FAM90A20: variants seen among roughly 807,000 people sequenced by gnomAD.
The protein encoded by FAM90A20 is protein FAM90A20.
the FAM90A20 span, chr8:7,295,967 G>T: frequency 1.9e-6 from 1 of 525,064 alleles, no homozygotes; most frequent in Non-Finnish European, 3.3e-6. Flanking sequence ...CCGGAGCTCC[G>T]TGTCCTCCGG....
chr8:7,295,448 C>G, the FAM90A20 span, among the ~76,000 whole-genome samples: 1 of 103,540 alleles, frequency 9.7e-6, no homozygotes, highest in Non-Finnish European at 1.8e-5. Context: ...GTTCCTCCGT[C>G]ACACGGGCTT....
At chr8:7,296,469 G>A in the FAM90A20 span, 19 of 685,668 alleles carry the variant, frequency 2.8e-5, 2 homozygotes, top group Non-Finnish European at 3.7e-5. Flanking sequence ...TCAGCTTCCC[G>A]TCTGCGGGAG....
the FAM90A20 span, chr8:7,297,570 A>T: frequency 1.3e-6 from 2 of 1,512,412 alleles, no homozygotes; most frequent in Admixed American, 1.7e-5. Flanking sequence ...GGTCCCTTCC[A>T]GATCCCCGAA....
chr8:7,297,233 A>T, the FAM90A20 span: 1 of 1,508,306 alleles, frequency 6.6e-7, no homozygotes, highest in South Asian at 1.1e-5. Context: ...ACCAAAGGAA[A>T]GACAGACAGG....
chr8:7,297,142 C>T, the FAM90A20 span: 16 of 1,526,452 alleles, frequency 1.0e-5, 3 homozygotes, highest in African/African-American at 1.8e-4. Context: ...GCTCAGCTAC[C>T]GAAATGTCTG....
At chr8:7,298,012 T>C in the FAM90A20 span, 1 of 668,338 alleles carries the variant, frequency 1.5e-6, no homozygotes, top group Non-Finnish European at 2.5e-6. Context: ...ACAGCGATTC[T>C]GACCTGGAGT....
At chr8:7,295,578 C>G in the FAM90A20 span, 2 of 669,410 alleles carry the variant, frequency 3.0e-6, no homozygotes, top group Non-Finnish European at 5.2e-6. Flanking sequence ...AACGTGGGAT[C>G]GCTGCCTGTG....
chr8:7,295,649 G>A, the FAM90A20 span: 694 of 687,950 alleles, frequency 1.0e-3, 110 homozygotes, highest in African/African-American at 5.0e-3. Flanking sequence ...CAAAAACTGC[G>A]GGGCCTTTGG....
chr8:7,296,357 C>G, the FAM90A20 span: 9 of 746,102 alleles, frequency 1.2e-5, no homozygotes, highest in South Asian at 8.2e-5. Context: ...AAGCCGCTGC[C>G]GAATGGAAAA....
At chr8:7,296,225 C>G in the FAM90A20 span, 3 of 669,766 alleles carry the variant, frequency 4.5e-6, no homozygotes, top group Admixed American at 6.2e-5. Context: ...GGGCCCCAGA[C>G]GGGGTTCTCC....
the FAM90A20 span, chr8:7,296,163 C>T: frequency 1.6e-5 from 10 of 630,102 alleles, 1 homozygote; most frequent in Middle Eastern, 4.1e-4. Context: ...GGTGCAGAGG[C>T]GGAAAGGGCA....
the FAM90A20 span, chr8:7,297,759 C>T: frequency 1.0e-5 from 15 of 1,475,860 alleles, 1 homozygote; most frequent in Non-Finnish European, 1.3e-5. Flanking sequence ...CAGGCCTGCA[C>T]CATGTCCCAT....
At chr8:7,295,578 C>T in the FAM90A20 span, 85 of 669,458 alleles carry the variant, frequency 1.3e-4, 20 homozygotes, top group African/African-American at 1.4e-3. Flanking sequence ...AACGTGGGAT[C>T]GCTGCCTGTG....
chr8:7,296,445 T>G, the FAM90A20 span: 2 of 710,934 alleles, frequency 2.8e-6, 1 homozygote, highest in East Asian at 5.2e-5. Flanking sequence ...TAGGTAACCC[T>G]GGTTGATTTC....
chr8:7,296,164 G>C, the FAM90A20 span: 1 of 633,476 alleles, frequency 1.6e-6, no homozygotes, highest in South Asian at 1.6e-5. Context: ...GTGCAGAGGC[G>C]GAAAGGGCAC....
At chr8:7,297,716 C>T in the FAM90A20 span, 116 of 1,482,606 alleles carry the variant, frequency 7.8e-5, 8 homozygotes, top group Non-Finnish European at 9.9e-5. Flanking sequence ...TGAACGGCAG[C>T]CTCCGCACCG....
At chr8:7,297,910 C>T in the FAM90A20 span, 138 of 729,284 alleles carry the variant, frequency 1.9e-4, 7 homozygotes, top group Middle Eastern at 1.1e-3. Flanking sequence ...TCGCTCAGAG[C>T]CCTCATGTGT....
chr8:7,296,975 G>A, the FAM90A20 span: 2 of 1,165,048 alleles, frequency 1.7e-6, no homozygotes, highest in Middle Eastern at 2.7e-4. Context: ...ATTTCATGGT[G>A]TGTGCACCTT....
the FAM90A20 span, chr8:7,295,714 T>C: frequency 1.1e-6 from 1 of 883,828 alleles, no homozygotes; most frequent in Non-Finnish European, 1.8e-6. Context: ...CAGCCCTGGT[T>C]CCAGCGACCT....
Sources: gnomAD v4.1 joint callset for allele counts (sites outside exome capture counted in the v4.1 genomes callset) on GRCh38, gnomAD v4.1.1 for gene constraint, MANE v1.5 for transcripts, NCBI Gene and HGNC (gene_info 2026-07-23, HGNC 2026-07-21) for gene names.